Variants in PTPRN2 observed in about 807,000 individuals in gnomAD.
PTPRN2 encodes receptor-type tyrosine-protein phosphatase N2.
A neutral mutation model predicts 118.8 loss-of-function variants in PTPRN2; 74 were observed. The ratio of observed to expected loss-of-function variants is 0.62; its 90% CI spans 0.52 to 0.76. PTPRN2 has a LOEUF of 0.76. Among genes scored for constraint, PTPRN2 ranks in the 30% least tolerant of loss-of-function variants. The pLI, the probability that PTPRN2 is intolerant of heterozygous loss-of-function variation, is 0.00. For missense variants in PTPRN2, 1,481 were observed against 1,394.4 expected (o/e 1.06, Z -0.99); for synonymous variants, 641 against 608.0 (o/e 1.05, Z -0.80).
At chr7:158,411,952 G>A (rs1239270196) in intron 2 of PTPRN2, among the ~76,000 whole-genome samples, 3 of 145,246 alleles carry the variant, frequency 2.1e-5, no homozygotes, top group South Asian at 2.3e-4. Flanking sequence ...AGGGCCCATC[G>A]CAGCACCCTC....
At position 158,158,302 on chromosome 7, in the gene PTPRN2, C is replaced by T. The variant is rs113743912; in HGVS notation, c.910+8629G>A. On this transcript the variant is annotated intron_variant, in intron 6 of 22. Coordinates refer to ENST00000389418, the MANE Select transcript of PTPRN2 (RefSeq NM_002847.5). ...AAAGTCAAAGCTTTGGTTCAGTGCC[C>T]TCCTGAGACTGGGCTGCGGGGAACA... Among the ~76,000 whole-genome samples the T allele has an allele frequency of 9.2e-3, 1,401 of 152,358 alleles. 26 individuals are homozygous for T. The highest frequency in any genetic ancestry group is 0.031 in the African/African-American group (1,307 of 41,588).
At chr7:157,571,089 C>CA (rs112233638) in intron 20 of PTPRN2, among the ~76,000 whole-genome samples, 253 of 149,058 alleles carry the variant, frequency 1.7e-3, no homozygotes, top group African/African-American at 6.0e-3. Context: ...ACTAAAAATA[C>CA]AAAAAAAATT....
rs1804124148 is a variant in PTPRN2, at chr7:157,990,044, G to T, written c.1723+91254C>A. ...GTTTTCTTGGAAATAAATCAAATTT[G>T]TATTTCTCAACAAAACCTGCCCTCC... On this transcript the variant is annotated intron_variant, in intron 11 of 22. Coordinates refer to ENST00000389418, the MANE Select transcript of PTPRN2 (RefSeq NM_002847.5). This position sits in a 1 kb window ranked among gnomAD's most constrained non-coding sequence, Gnocchi z 4.3. Among the ~76,000 whole-genome samples the T allele has an allele frequency of 6.6e-6, 1 of 152,120 alleles. No individual in the cohort carries two copies. The highest frequency in any genetic ancestry group is 6.5e-5 in the Admixed American group (1 of 15,278).
At chr7:158,239,300 C>T (rs937928912) in intron 3 of PTPRN2, among the ~76,000 whole-genome samples, 6 of 152,208 alleles carry the variant, frequency 3.9e-5, no homozygotes, top group Non-Finnish European at 7.3e-5. Flanking sequence ...TTGGAGCAGA[C>T]GCGACCTCCA....
chr7:157,918,755 G>A lies in PTPRN2; in HGVS notation c.1724-20018C>T, dbSNP rs181053011. Among the ~76,000 whole-genome samples, 309 of 152,290 alleles carry A rather than the reference G, an allele frequency of 2.0e-3. 3 individuals carry two copies. The highest frequency in any genetic ancestry group is 7.2e-3 in the African/African-American group (301 of 41,544). ...ATAAAATTCCAGACAACGATATAGGGTTAATGAACTGGTGTGTGCCAAGAA... is the reference window on the plus strand; with the variant it reads ...ATAAAATTCCAGACAACGATATAGGATTAATGAACTGGTGTGTGCCAAGAA... On this transcript the variant is annotated intron_variant, in intron 11 of 22. Coordinates refer to ENST00000389418, the MANE Select transcript of PTPRN2 (RefSeq NM_002847.5).
chr7:158,189,758 C>T (rs190828496), intron 5 of PTPRN2, among the ~76,000 whole-genome samples: 52 of 152,318 alleles, frequency 3.4e-4, no homozygotes, highest in Non-Finnish European at 4.6e-4. Context: ...GACGTCACGG[C>T]GCCGTTACAG....
intron 3 of PTPRN2, among the ~76,000 whole-genome samples, chr7:158,234,126 T>C (rs537405527): frequency 1.4e-4 from 21 of 151,792 alleles, no homozygotes; most frequent in Middle Eastern, 6.8e-3. Context: ...TAAAATGAGA[T>C]CACATCAAGC....
chr7:158,210,043 G>C (rs1040700474), intron 3 of PTPRN2, among the ~76,000 whole-genome samples: 4 of 150,434 alleles, frequency 2.7e-5, no homozygotes, highest in African/African-American at 9.8e-5. Context: ...GTGGGATGCA[G>C]CAAAAGCAGT....
intron 3 of PTPRN2, among the ~76,000 whole-genome samples, chr7:158,227,886 G>C (rs1828911594): frequency 6.6e-6 from 1 of 152,254 alleles, no homozygotes; most frequent in African/African-American, 2.4e-5. Flanking sequence ...GTGCACAGTG[G>C]GGGTGCCTGT....
intron 3 of PTPRN2, among the ~76,000 whole-genome samples, chr7:158,295,201 G>C (rs1800402910): frequency 9.7e-6 from 1 of 103,066 alleles, no homozygotes; most frequent in African/African-American, 3.9e-5. Flanking sequence ...CCTTTCTGAG[G>C]GTCTAAGCCC....
chr7:157,721,211 G>A (rs542486311), intron 12 of PTPRN2, among the ~76,000 whole-genome samples: 70 of 152,328 alleles, frequency 4.6e-4, no homozygotes, highest in Non-Finnish European at 8.5e-4. Context: ...AACACACAAC[G>A]GGCACGGTGT....
chr7:158,041,023 GC>G (rs1177284444), intron 11 of PTPRN2, among the ~76,000 whole-genome samples: 1 of 152,156 alleles, frequency 6.6e-6, no homozygotes, highest in African/African-American at 2.4e-5. Flanking sequence ...GAGCCGCCAC[GC>G]CCGGTCCACC....
Position 158,292,361 on chromosome 7 carries a change from G to C in PTPRN2, c.277+24458C>G, listed in dbSNP as rs114817629. ...AACACTAAAGAATGCCCTAAATCAA[G>C]CTTTTCAGTTTTAAATAGGGATGAA... On this transcript the variant is annotated intron_variant, in intron 3 of 22. Coordinates refer to ENST00000389418, the MANE Select transcript of PTPRN2 (RefSeq NM_002847.5). 9.6e-4 allele frequency among the ~76,000 whole-genome samples: 146 copies of C among 152,308 alleles called. 1 individual carries two copies. Among genetic ancestry groups the C allele is most frequent in the African/African-American group, 3.4e-3 (141 of 41,558 alleles).
chr7:157,704,443 A>T (rs1408539625), intron 12 of PTPRN2, among the ~76,000 whole-genome samples: 3 of 152,234 alleles, frequency 2.0e-5, no homozygotes, highest in Admixed American at 6.5e-5. Flanking sequence ...TAAGTAACAC[A>T]AATATAAAGA....
chr7:157,855,763 G>A (rs1809668521), intron 12 of PTPRN2, among the ~76,000 whole-genome samples: 1 of 152,244 alleles, frequency 6.6e-6, no homozygotes. Context: ...GTCACTTTTA[G>A]AGGATGAGGA....
At chr7:157,997,811 GGGGAGATGAGTGCAC>G (rs59328428) in intron 11 of PTPRN2, among the ~76,000 whole-genome samples, 83,307 of 129,410 alleles carry the variant, frequency 0.64, 27,842 homozygotes, top group East Asian at 0.87. Context: ...ATGGAGTGCA[GGGGAGATGAGTGCAC>G]GGGAGAGGAG....
chr7:158,198,423 C>A (rs1289573385), intron 4 of PTPRN2, among the ~76,000 whole-genome samples: 1 of 152,236 alleles, frequency 6.6e-6, no homozygotes, highest in Non-Finnish European at 1.5e-5. Context: ...CATTGGCACA[C>A]ACTGGCCTTA....
chr7:157,769,742 G>T (rs562192753), intron 12 of PTPRN2, among the ~76,000 whole-genome samples: 1 of 152,282 alleles, frequency 6.6e-6, no homozygotes, highest in East Asian at 1.9e-4. Context: ...CTGTGGCTCA[G>T]CGCGTTCCTG....
chr7:158,564,022 A>G (rs991315738), intron 1 of PTPRN2, among the ~76,000 whole-genome samples: 2 of 152,114 alleles, frequency 1.3e-5, no homozygotes, highest in African/African-American at 4.8e-5. Context: ...AAATTATACA[A>G]AGATGATACA....
Sources: allele counts gnomAD v4.1 joint callset (sites outside exome capture counted in the v4.1 genomes callset), GRCh38; gene constraint gnomAD v4.1.1; non-coding constraint Gnocchi (gnomAD v3.1); transcripts MANE v1.5; gene names NCBI Gene and HGNC (gene_info 2026-07-23, HGNC 2026-07-21).